Variants in CWF19L2 observed in about 807,000 individuals in gnomAD.
CWF19L2 encodes CWF19 like cell cycle control factor 2.
A neutral mutation model predicts 111.7 loss-of-function variants in CWF19L2; 98 were observed. The observed-to-expected ratio is 0.88, with a 90% CI of 0.75 to 1.04. The LOEUF is 1.04. CWF19L2 is among the 50% of genes least tolerant of loss of function. The probability of loss-of-function intolerance (pLI) is 0.00; values close to 1 mark genes in which losing one functional copy is unlikely to be tolerated. For synonymous variants in CWF19L2, 351 were observed against 342.9 expected, an observed-to-expected ratio of 1.02 and a Z score of -0.26; for missense variants, 1,101 against 1,051.4, an observed-to-expected ratio of 1.05 and a Z score of -0.65.
chr11:107,338,587 C>A (rs1171302842), intron 14 of CWF19L2, among the ~76,000 whole-genome samples: 2 of 152,154 alleles, frequency 1.3e-5, no homozygotes, highest in African/African-American at 4.8e-5. Flanking sequence ...CACCGACAGG[C>A]TCCAGTGTGT....
chr11:107,452,801 G>A (rs1179036245), intron 3 of CWF19L2, among the ~76,000 whole-genome samples: 1 of 151,990 alleles, frequency 6.6e-6, no homozygotes, highest in Admixed American at 6.6e-5. Flanking sequence ...GACCAGCCTC[G>A]ACAATATAGT....
intron 10 of CWF19L2, among the ~76,000 whole-genome samples, chr11:107,406,674 T>C (rs1002798230): frequency 2.6e-5 from 4 of 151,758 alleles, no homozygotes; most frequent in South Asian, 4.2e-4. Flanking sequence ...TAATATACTA[T>C]TGTGTTTTCC....
chr11:107,448,332 A>C, intron 3 of CWF19L2, among the ~76,000 whole-genome samples: 1 of 124,508 alleles, frequency 8.0e-6, no homozygotes, highest in Admixed American at 9.7e-5. Flanking sequence ...CAACAGAGCG[A>C]GACTCCGTCA....
intron 14 of CWF19L2, among the ~76,000 whole-genome samples, chr11:107,337,255 T>C (rs1279013604): frequency 6.6e-6 from 1 of 152,190 alleles, no homozygotes; most frequent in Admixed American, 6.5e-5. Flanking sequence ...ATAAAGCATA[T>C]GAAAGCCAAA....
chr11:107,368,099 G>C (rs191914029), intron 12 of CWF19L2, among the ~76,000 whole-genome samples: 1 of 104,298 alleles, frequency 9.6e-6, no homozygotes, highest in Non-Finnish European at 1.9e-5. Flanking sequence ...AGAGAGATCC[G>C]GGCAGAATAA....
intron 12 of CWF19L2, among the ~76,000 whole-genome samples, chr11:107,370,973 G>GAA (rs1860499397): frequency 7.6e-6 from 1 of 131,988 alleles, no homozygotes; most frequent in Non-Finnish European, 1.6e-5. Context: ...TCTTTTTCGA[G>GAA]AAAACTGCTA....
At chr11:107,416,020 G>C (rs780558959) in intron 10 of CWF19L2, among the ~76,000 whole-genome samples, 189 bp downstream of exon 10, 8 of 151,958 alleles carry the variant, frequency 5.3e-5, no homozygotes, top group Non-Finnish European at 7.4e-5. Context: ...TTGCTTGAAC[G>C]TGGGAGGCAG....
intron 14 of CWF19L2, among the ~76,000 whole-genome samples, chr11:107,346,437 C>T (rs1860081333): frequency 6.6e-6 from 1 of 152,132 alleles, no homozygotes. Flanking sequence ...TAAGATCTGA[C>T]TTAAATGCTA....
chr11:107,336,876 T>C (rs10890721), intron 14 of CWF19L2, among the ~76,000 whole-genome samples, 163 bp from the exon 15 acceptor site: 39,044 of 152,112 alleles, frequency 0.26, 5,448 homozygotes, highest in Non-Finnish European at 0.32. Context: ...TGCAATGTTA[T>C]AGTTACTTTA....
chr11:107,373,473 G>C, intron 12 of CWF19L2, among the ~76,000 whole-genome samples: 1 of 119,950 alleles, frequency 8.3e-6, no homozygotes, highest in Non-Finnish European at 1.8e-5. Flanking sequence ...CCTGACCCCC[G>C]AGCAGCCTAA....
chr11:107,379,744 A>C (rs760347594), intron 12 of CWF19L2, among the ~76,000 whole-genome samples: 1 of 152,134 alleles, frequency 6.6e-6, no homozygotes, highest in African/African-American at 2.4e-5. Flanking sequence ...AAATACTACA[A>C]ATTAACTGTC....
rs1861370837 is a variant in CWF19L2 at position 107,426,022 on chromosome 11, G to A, written c.1433+2777C>T. 2.6e-5 allele frequency among the ~76,000 whole-genome samples: 4 copies of A among 151,746 alleles called. No homozygotes were observed. The South Asian group carries it at 8.3e-4, about 32-fold the overall frequency. ...ATTGCATGGCAGTGGACGTTTTTCT[G>A]CTAGTTAACATAATCGCAGGGCCTA... is the stretch of plus-strand genomic sequence containing the variant. On this transcript the variant is annotated intron_variant, in intron 8 of 17. Transcript: ENST00000282251.
chr11:107,360,952 A>G (rs991060339), intron 12 of CWF19L2, among the ~76,000 whole-genome samples: 4 of 152,084 alleles, frequency 2.6e-5, no homozygotes, highest in African/African-American at 7.2e-5. Flanking sequence ...AAAGCTTTTT[A>G]GTTTAATTAA....
chr11:107,389,363 T>C (rs1860815770), intron 12 of CWF19L2, among the ~76,000 whole-genome samples: 1 of 152,240 alleles, frequency 6.6e-6, no homozygotes. Flanking sequence ...AGATAATATG[T>C]AAATGCATGT....
chr11:107,365,155 G>C (rs1455031695), intron 12 of CWF19L2, among the ~76,000 whole-genome samples: 32,287 of 136,292 alleles, frequency 0.24, 4,315 homozygotes, highest in African/African-American at 0.3. Context: ...AGACCAATAA[G>C]AAGAGCTGAA....
intron 10 of CWF19L2, chr11:107,404,285 C>T: frequency 1.3e-6 from 1 of 781,286 alleles, no homozygotes; most frequent in South Asian, 1.3e-5. Flanking sequence ...TCGCCACATG[C>T]CACCAATAAT....
intron 17 of CWF19L2, 53 bp downstream of exon 17, chr11:107,329,864 GA>G: frequency 7.3e-7 from 1 of 1,374,114 alleles, no homozygotes; most frequent in Non-Finnish European, 9.9e-7. Flanking sequence ...CCTTTCAAAA[GA>G]AAAATGTTAC....
intron 12 of CWF19L2, among the ~76,000 whole-genome samples, chr11:107,389,048 G>A (rs1047864367): frequency 3.9e-5 from 6 of 152,202 alleles, no homozygotes; most frequent in South Asian, 2.1e-4. Context: ...CTTTATCTTA[G>A]TTTTCATTAA....
intron 12 of CWF19L2, among the ~76,000 whole-genome samples, chr11:107,388,939 ACT>A (rs1267262158): frequency 6.6e-6 from 1 of 151,756 alleles, no homozygotes; most frequent in African/African-American, 2.4e-5. Context: ...ATCTCATGAA[ACT>A]CTTGCTGATA....
Sources: allele counts gnomAD v4.1 joint callset (sites outside exome capture counted in the v4.1 genomes callset), GRCh38; gene constraint gnomAD v4.1.1; transcripts MANE v1.5; gene names NCBI Gene and HGNC (gene_info 2026-07-23, HGNC 2026-07-21).